PAM: variants seen among roughly 807,000 people sequenced by gnomAD.
PAM encodes peptidylglycine alpha-amidating monooxygenase.
Under a neutral mutation model 122.1 loss-of-function variants are expected in PAM, and 72 were observed. The ratio of observed to expected loss-of-function variants is 0.59; its 90% CI spans 0.49 to 0.72. The LOEUF (loss-of-function observed/expected upper bound fraction) is 0.72. Among genes scored for constraint, PAM ranks in the 30% least tolerant of loss-of-function variants. PAM has a pLI of 0.00. For synonymous variants in PAM, 389 were observed against 404.4 expected (o/e 0.96, Z 0.46); for missense variants, 1,106 against 1,183.7 (o/e 0.93, Z 0.96).
intron 1 of PAM, among the ~76,000 whole-genome samples, chr5:102,832,016 A>T (rs1775624097): frequency 6.6e-6 from 1 of 152,006 alleles, no homozygotes; most frequent in Non-Finnish European, 1.5e-5. Context: ...TTCCATTGAA[A>T]TCCAGCCTTC....
intron 5 of PAM, among the ~76,000 whole-genome samples, chr5:102,915,478 C>T (rs956363757): frequency 2.0e-5 from 3 of 152,052 alleles, no homozygotes; most frequent in African/African-American, 7.2e-5. Flanking sequence ...ACAGAGTCAG[C>T]AAATCACAGT....
chr5:102,914,374 T>G (rs1051512738), intron 5 of PAM, among the ~76,000 whole-genome samples: 2 of 152,048 alleles, frequency 1.3e-5, no homozygotes, highest in South Asian at 4.1e-4. Context: ...GTTCAATAGA[T>G]GCCCAAACTC....
At chr5:102,773,013 A>C (rs1406106225) in intron 1 of PAM, among the ~76,000 whole-genome samples, 5 of 152,096 alleles carry the variant, frequency 3.3e-5, no homozygotes, top group Non-Finnish European at 1.5e-5. Flanking sequence ...CAGGAATGCC[A>C]ATTTTAATGG....
Position 102,924,987 on chromosome 5 carries a change from A to G in PAM, c.387A>G (p.Lys129=). The change falls in exon 6 of 26, where the codon AAA becomes AAG. Residue 129 remains lysine (K), a synonymous_variant. Transcript: ENST00000438793. ...GTGATGAAGGAACCTGTACAGATAAAGCCAATATTCTGTATGCCTGGGCGA... is the reference window on the plus strand; with the variant it reads ...GTGATGAAGGAACCTGTACAGATAAGGCCAATATTCTGTATGCCTGGGCGA... The part of the protein sequence containing the change: ...WFCDEGTCTD[K]ANILYAWARN... The G allele has an allele frequency of 6.3e-7, 1 of 1,585,404 alleles. No individual in the cohort carries two copies. The highest frequency in any genetic ancestry group is 8.7e-7 in the Non-Finnish European group (1 of 1,153,750).
chr5:102,864,324 C>T (rs1294690758), intron 1 of PAM, among the ~76,000 whole-genome samples: 1 of 151,870 alleles, frequency 6.6e-6, no homozygotes, highest in Admixed American at 6.6e-5. Context: ...TTCCTTTACC[C>T]ACAGGATAAG....
chr5:102,870,320 T>C (rs1263998586), intron 3 of PAM, among the ~76,000 whole-genome samples: 1 of 152,140 alleles, frequency 6.6e-6, no homozygotes, highest in Admixed American at 6.5e-5. Context: ...AACTTGAGAT[T>C]GTTAGGTAGG....
chr5:102,761,501 G>A (rs1306385542), intron 1 of PAM, among the ~76,000 whole-genome samples: 1 of 152,162 alleles, frequency 6.6e-6, no homozygotes, highest in Non-Finnish European at 1.5e-5. Flanking sequence ...ATAAATAAAA[G>A]TAAAGTCTGA....
At chr5:102,985,093 G>A (rs1771312001) in intron 15 of PAM, among the ~76,000 whole-genome samples, 1 of 152,060 alleles carries the variant, frequency 6.6e-6, no homozygotes, top group South Asian at 2.1e-4. Flanking sequence ...AGTGCTAAGA[G>A]GGGAGTTTGT....
At chr5:102,818,507 A>C (rs1358222217) in intron 1 of PAM, among the ~76,000 whole-genome samples, 13 of 152,172 alleles carry the variant, frequency 8.5e-5, no homozygotes, top group Admixed American at 8.5e-4. Context: ...TCTTGGTGGC[A>C]TATGACACTG....
At chr5:102,996,346 AT>A (rs1002307748) in intron 16 of PAM, among the ~76,000 whole-genome samples, 26 of 152,352 alleles carry the variant, frequency 1.7e-4, no homozygotes, top group African/African-American at 4.6e-4. Flanking sequence ...TGTAGTTGAA[AT>A]AAAGACCTCT....
In PAM at chr5:102,947,671, G is replaced by A. The variant is rs555141514; in HGVS notation, c.576-707G>A. ...ACCACCTGTTCCCCAAAAATCTATG[G>A]AAATAAAAAAAATGTTAAAAATGTT... On this transcript the variant is annotated intron_variant, in intron 8 of 25. Coordinates refer to ENST00000438793, the MANE Select transcript of PAM (RefSeq NM_001177306.2). 1.4e-3 allele frequency among the ~76,000 whole-genome samples: 206 copies of A among 151,954 alleles called. 1 individual carries two copies. The highest frequency in any genetic ancestry group is 4.8e-3 in the African/African-American group (201 of 41,462).
intron 1 of PAM, among the ~76,000 whole-genome samples, chr5:102,835,788 C>T (rs2150499600): frequency 6.6e-6 from 1 of 151,856 alleles, no homozygotes; most frequent in African/African-American, 2.4e-5. Flanking sequence ...GCATAAATAA[C>T]ATTTATGTAT....
At chr5:102,859,335 AGTGTGTGT>A (rs57728525) in intron 1 of PAM, among the ~76,000 whole-genome samples, 25 of 142,410 alleles carry the variant, frequency 1.8e-4, no homozygotes, top group African/African-American at 5.1e-4. Flanking sequence ...GGCCCAGGCT[AGTGTGTGT>A]GTGTGTGTGT....
At chr5:103,028,290 C>T (rs573641778) in intron 25 of PAM, 52 bp downstream of exon 25, 3 of 1,246,256 alleles carry the variant, frequency 2.4e-6, no homozygotes, top group Admixed American at 1.9e-5. Context: ...AGTCAACAAG[C>T]ACATGTCTTT....
intron 3 of PAM, among the ~76,000 whole-genome samples, chr5:102,876,935 A>G (rs1223630804): frequency 2.0e-5 from 3 of 152,216 alleles, no homozygotes; most frequent in Admixed American, 6.5e-5. Context: ...GAGCTGTTAG[A>G]AACTGTTAGT....
At chr5:102,799,089 A>G (rs1331632024) in intron 1 of PAM, among the ~76,000 whole-genome samples, 1 of 152,216 alleles carries the variant, frequency 6.6e-6, no homozygotes, top group Non-Finnish European at 1.5e-5. Context: ...TCAACTGAAG[A>G]ATAGGGTAGG....
In PAM at chr5:102,803,785, A is replaced by T. The variant is rs188854152; in HGVS notation, c.-374+48437A>T. 7.2e-5 allele frequency among the ~76,000 whole-genome samples: 11 copies of T among 152,324 alleles called. No individual in the cohort carries two copies. The East Asian group carries it at 2.1e-3, about 29-fold the overall frequency. ...ATAAGTATTTATTGAGGGAATGCCA[A>T]ATGCAAGGCACGGTGCTATGTATAG... On this transcript the variant is annotated intron_variant, in intron 1 of 25. Transcript: ENST00000438793.
intron 15 of PAM, among the ~76,000 whole-genome samples, chr5:102,980,670 C>T (rs1267786929): frequency 2.6e-5 from 4 of 151,994 alleles, no homozygotes; most frequent in African/African-American, 9.7e-5. Context: ...CCTTTAACTA[C>T]CTGATAATTA....
chr5:102,875,380 G>A (rs986676), intron 3 of PAM, among the ~76,000 whole-genome samples: 1 of 152,004 alleles, frequency 6.6e-6, no homozygotes, highest in Admixed American at 6.6e-5. Context: ...TTCTTTTAGA[G>A]ATGAGGTTTT....
Sources: gnomAD v4.1 joint callset for allele counts (sites outside exome capture counted in the v4.1 genomes callset) on GRCh38, gnomAD v4.1.1 for gene constraint, MANE v1.5 for transcripts, NCBI Gene and HGNC (gene_info 2026-07-23, HGNC 2026-07-21) for gene names.